The following PTK2 variants were observed in gnomAD, a reference collection of about 807,000 sequenced individuals.
The protein encoded by PTK2 is protein tyrosine kinase 2.
PTK2 carries 45 observed loss-of-function variants against 150.1 expected under a neutral mutation model. That is an observed-to-expected ratio of 0.30 (90% confidence interval 0.24 to 0.38). The LOEUF is 0.38. Ranked by LOEUF, PTK2 falls within the 10% of genes least tolerant of loss-of-function variation. The pLI is 1.00. For synonymous variants in PTK2, 432 were observed against 449.2 expected (o/e 0.96, Z 0.48); for missense variants, 919 against 1,307.3 (o/e 0.70, Z 4.58).
chr8:140,962,561 G>A (rs543045366), intron 1 of PTK2, among the ~76,000 whole-genome samples: 1 of 152,256 alleles, frequency 6.6e-6, no homozygotes, highest in Admixed American at 6.5e-5. Context: ...CACTGTGGGA[G>A]GCCGAGGCGT....
chr8:140,902,577 CAG>C (rs1170316911), intron 2 of PTK2, among the ~76,000 whole-genome samples: 1 of 152,222 alleles, frequency 6.6e-6, no homozygotes, highest in Non-Finnish European at 1.5e-5. Flanking sequence ...CTCCCACCAA[CAG>C]TGTAAAAGCG....
chr8:140,988,168 T>C (rs2100194071), intron 1 of PTK2, among the ~76,000 whole-genome samples: 1 of 152,146 alleles, frequency 6.6e-6, no homozygotes, highest in South Asian at 2.1e-4. Flanking sequence ...ACAAAAATAT[T>C]CAGAGATCTA....
chr8:140,808,124 G>T (rs1329518852), intron 10 of PTK2, among the ~76,000 whole-genome samples: 1 of 152,158 alleles, frequency 6.6e-6, no homozygotes, highest in Admixed American at 6.5e-5. Context: ...GCTAAAAGAG[G>T]GGATTTTAGG....
chr8:140,732,651 A>G (rs149074929), intron 22 of PTK2: 165 of 486,452 alleles, frequency 3.4e-4, no homozygotes, highest in African/African-American at 3.1e-3. Context: ...CGAGGGCAGG[A>G]AAAGTGTTTT....
At position 140,670,528 on chromosome 8, in the gene PTK2, CACACACACACAT is replaced by C. The variant is rs1415266677; in HGVS notation, c.2710-2116_2710-2105del. The stretch of plus-strand genomic sequence containing the variant: ...ACACACACACACACACACACACACA[CACACACACACAT>C]TGGGAGCTTATTTTAAAAACAAAAA... On this transcript the variant is annotated intron_variant, in intron 29 of 31. Transcript: ENST00000522684. 8.0e-4 allele frequency among the ~76,000 whole-genome samples: 99 copies of C among 124,152 alleles called. 5 individuals are homozygous for C. The highest frequency in any genetic ancestry group is 2.9e-3 in the African/African-American group (98 of 34,278). The allele number at this position is 124,152 out of a possible 152,430, so 81.4% of individuals were successfully genotyped here. A position where few individuals can be genotyped will look rare whatever the true frequency, so the allele number is the denominator to read the frequency against.
At position 140,697,451 on chromosome 8, in the gene PTK2, TGTG is replaced by T. The variant is rs1316305193; in HGVS notation, c.2499+3437_2499+3439del. On this transcript the variant is annotated intron_variant, in intron 26 of 31. Coordinates refer to ENST00000522684, the Ensembl canonical transcript of PTK2. ...GTGTGTGTGTGTGTGTGTGTGTGTG[TGTG>T]TTTTTAAACGGAGTCTTGCTCTGTT... 1.6e-3 allele frequency among the ~76,000 whole-genome samples: 236 copies of T among 151,656 alleles called. 8 individuals carry two copies. The East Asian group carries it at 0.043, about 28-fold the overall frequency.
In PTK2 at chr8:140,812,053, G is replaced by A. The variant is rs560198946; in HGVS notation, c.867+6224C>T. Among the ~76,000 whole-genome samples the A allele has an allele frequency of 4.6e-5, 7 of 152,234 alleles. No individual in the cohort carries two copies. The East Asian group carries it at 1.2e-3, about 25-fold the overall frequency. Reference sequence around the variant, plus strand: ...TAGAGAAGTCAACATTCAAATTTAGGAAAGGCAGAGTAAGATACTACACGA... The same window carrying A: ...TAGAGAAGTCAACATTCAAATTTAGAAAAGGCAGAGTAAGATACTACACGA... On this transcript the variant is annotated intron_variant, in intron 10 of 31. Coordinates refer to ENST00000522684, the Ensembl canonical transcript of PTK2.
At chr8:140,693,651 TGGGCAAGAGCATCC>T (rs2153915307) in intron 26 of PTK2, among the ~76,000 whole-genome samples, 1 of 143,576 alleles carries the variant, frequency 7.0e-6, no homozygotes, top group Non-Finnish European at 1.5e-5. Flanking sequence ...CATGTGACCT[TGGGCAAGAGCATCC>T]GGGCTGCTAT....
chr8:140,693,788 T>C (rs1379310167), intron 26 of PTK2, among the ~76,000 whole-genome samples: 2 of 151,924 alleles, frequency 1.3e-5, no homozygotes, highest in Non-Finnish European at 2.9e-5. Context: ...GTAGCAACCA[T>C]AAAAAATGAT....
intron 7 of PTK2, among the ~76,000 whole-genome samples, chr8:140,831,715 T>C (rs545408096): frequency 1.2e-4 from 18 of 152,360 alleles, no homozygotes; most frequent in African/African-American, 3.8e-4. Context: ...GTTTTACCCA[T>C]CAGTTAATTC....
At chr8:140,809,870 T>C (rs1453077264) in intron 10 of PTK2, among the ~76,000 whole-genome samples, 3 of 152,360 alleles carry the variant, frequency 2.0e-5, no homozygotes, top group South Asian at 2.1e-4. Flanking sequence ...AAAGGCATCA[T>C]GTTGTTACGT....
chr8:140,876,154 T>G (rs2100145363), intron 4 of PTK2, among the ~76,000 whole-genome samples: 1 of 152,204 alleles, frequency 6.6e-6, no homozygotes, highest in African/African-American at 2.4e-5. Context: ...GTTACTATCT[T>G]GTTTCATGGG....
At chr8:140,926,650 C>T (rs569139371) in intron 1 of PTK2, among the ~76,000 whole-genome samples, 1 of 152,274 alleles carries the variant, frequency 6.6e-6, no homozygotes, top group African/African-American at 2.4e-5. Context: ...AGACACGTGG[C>T]TGGTACTTGA....
At chr8:140,995,151 T>G (rs1470333729) in intron 1 of PTK2, among the ~76,000 whole-genome samples, 1 of 146,768 alleles carries the variant, frequency 6.8e-6, no homozygotes, top group Non-Finnish European at 1.5e-5. Flanking sequence ...GAGGCCGAGG[T>G]GGGTGGATCA....
At chr8:140,832,347 G>A (rs1361837410) in intron 7 of PTK2, among the ~76,000 whole-genome samples, 5 of 152,182 alleles carry the variant, frequency 3.3e-5, no homozygotes, top group Admixed American at 6.5e-5. Context: ...GAGCCACTGC[G>A]CCCAGCCTCA....
intron 23 of PTK2, among the ~76,000 whole-genome samples, chr8:140,717,358 C>G (rs1235677900): frequency 6.6e-6 from 1 of 152,174 alleles, no homozygotes. Context: ...TTTAAGATGA[C>G]ATCTGTCCAA....
At chr8:140,966,704 CAAT>C (rs769614628) in intron 1 of PTK2, among the ~76,000 whole-genome samples, 4 of 152,158 alleles carry the variant, frequency 2.6e-5, no homozygotes, top group East Asian at 1.9e-4. Flanking sequence ...GCTTATTATA[CAAT>C]GATATACATG....
intron 4 of PTK2, among the ~76,000 whole-genome samples, chr8:140,872,778 G>A (rs1314110334): frequency 2.6e-5 from 4 of 152,160 alleles, no homozygotes; most frequent in Non-Finnish European, 4.4e-5. Flanking sequence ...CAACAATCTC[G>A]TTAGGTTTTT....
At chr8:140,707,193 G>A (rs2100034293) in intron 23 of PTK2, among the ~76,000 whole-genome samples, 1 of 152,168 alleles carries the variant, frequency 6.6e-6, no homozygotes, top group Non-Finnish European at 1.5e-5. Context: ...GGAAGGAGGA[G>A]GAGATGGGGA....
Sources: allele counts gnomAD v4.1 joint callset (sites outside exome capture counted in the v4.1 genomes callset), GRCh38; gene constraint gnomAD v4.1.1; transcripts MANE v1.5; gene names NCBI Gene and HGNC (gene_info 2026-07-23, HGNC 2026-07-21).